The following PTPRN2 variants were observed in gnomAD, a reference collection of about 807,000 sequenced individuals.
The protein encoded by PTPRN2 is receptor-type tyrosine-protein phosphatase N2.
In PTPRN2, 74 loss-of-function variants were observed where a neutral mutation model predicts 118.8. The observed-to-expected ratio is 0.62, with a 90% confidence interval of 0.52 to 0.76. The LOEUF is 0.76. Among genes scored for constraint, PTPRN2 ranks in the 30% least tolerant of loss-of-function variants. PTPRN2 has a pLI of 0.00. For missense variants in PTPRN2, 1,481 were observed against 1,394.4 expected (o/e 1.06, Z -0.99); for synonymous variants, 641 against 608.0 (o/e 1.05, Z -0.80).
chr7:157,814,500 G>C (rs897299221), intron 12 of PTPRN2, among the ~76,000 whole-genome samples: 1 of 139,688 alleles, frequency 7.2e-6, no homozygotes, highest in Non-Finnish European at 1.5e-5. Flanking sequence ...GGAGAGACAC[G>C]GGGCAGGACG....
At chr7:158,023,080 T>C (rs545188773) in intron 11 of PTPRN2, among the ~76,000 whole-genome samples, 42 of 152,344 alleles carry the variant, frequency 2.8e-4, no homozygotes, top group African/African-American at 9.6e-4. Flanking sequence ...GTGGCTGTTT[T>C]CTTGTGACTC....
At chr7:158,067,409 G>A (rs1810855200) in intron 11 of PTPRN2, among the ~76,000 whole-genome samples, 1 of 152,186 alleles carries the variant, frequency 6.6e-6, no homozygotes, top group South Asian at 2.1e-4. Flanking sequence ...GCTGTGAGTG[G>A]TACTCGGCTC....
chr7:157,771,879 AAC>A (rs762840559), intron 12 of PTPRN2, among the ~76,000 whole-genome samples: 23 of 150,432 alleles, frequency 1.5e-4, no homozygotes, highest in Admixed American at 1.5e-3. Flanking sequence ...GGCACACATG[AAC>A]ACACACAGAC....
chr7:158,553,129 A>G (rs756986713), intron 1 of PTPRN2, among the ~76,000 whole-genome samples: 2 of 151,944 alleles, frequency 1.3e-5, no homozygotes, highest in Non-Finnish European at 2.9e-5. Flanking sequence ...TTCCCCATGT[A>G]CACACACAGG....
chr7:157,972,724 G>T (rs1802429234), intron 11 of PTPRN2, among the ~76,000 whole-genome samples: 2 of 149,706 alleles, frequency 1.3e-5, no homozygotes, highest in African/African-American at 4.9e-5. Flanking sequence ...CACGAGAGCA[G>T]GGCTTCAGAG....
intron 11 of PTPRN2, among the ~76,000 whole-genome samples, chr7:158,020,440 G>A (rs1806786868): frequency 6.6e-6 from 1 of 152,218 alleles, no homozygotes; most frequent in Non-Finnish European, 1.5e-5. Context: ...CTGGGTTGCG[G>A]GGAACGTGAG....
intron 3 of PTPRN2, among the ~76,000 whole-genome samples, chr7:158,307,243 T>C (rs1801372165): frequency 6.6e-6 from 1 of 152,148 alleles, no homozygotes; most frequent in African/African-American, 2.4e-5. Flanking sequence ...AGGAAAATAG[T>C]GTCTCATCAA....
At chr7:158,173,198 A>G (rs903545329) in intron 5 of PTPRN2, among the ~76,000 whole-genome samples, 1 of 152,022 alleles carries the variant, frequency 6.6e-6, no homozygotes, top group Non-Finnish European at 1.5e-5. Context: ...GCATCATCCC[A>G]CCATCAATAG....
intron 6 of PTPRN2, among the ~76,000 whole-genome samples, chr7:158,154,548 A>G (rs1821527120): frequency 6.6e-6 from 1 of 152,192 alleles, no homozygotes; most frequent in Admixed American, 6.5e-5. Context: ...GGGAGAGCAG[A>G]AATACAACTG....
In PTPRN2 at chr7:157,552,462, C is replaced by T. The variant is rs1247691357; in HGVS notation, c.2903-3443G>A. Among the ~76,000 whole-genome samples, 4 of 152,046 alleles carry T rather than the reference C, an allele frequency of 2.6e-5. No individual in the cohort carries two copies. The South Asian group carries it at 8.3e-4, about 31-fold the overall frequency. ...CTCCTCACACACCCCAACTGCTGAC[C>T]TCAGCGAGATGCTGACCTGGACCAC... is the stretch of plus-strand genomic sequence containing the variant. On this transcript the variant is annotated intron_variant, in intron 21 of 22. Coordinates refer to ENST00000389418, the MANE Select transcript of PTPRN2 (RefSeq NM_002847.5).
chr7:158,523,404 G>T (rs1465709011), intron 1 of PTPRN2, among the ~76,000 whole-genome samples: 5 of 124,210 alleles, frequency 4.0e-5, no homozygotes, highest in African/African-American at 8.6e-5. Flanking sequence ...GGAGTCATCT[G>T]CCCTGGAGCG....
intron 5 of PTPRN2, among the ~76,000 whole-genome samples, chr7:158,168,633 C>A (rs1012710061): frequency 6.6e-6 from 1 of 152,200 alleles, no homozygotes; most frequent in African/African-American, 2.4e-5. Flanking sequence ...TGTGCTGCAG[C>A]AGGGAAGATG....
chr7:157,747,167 G>A (rs1801009831), intron 12 of PTPRN2, among the ~76,000 whole-genome samples: 1 of 132,604 alleles, frequency 7.5e-6, no homozygotes, highest in African/African-American at 3.0e-5. Flanking sequence ...TGAGGCCTGC[G>A]TCCCTGAGCT....
intron 5 of PTPRN2, among the ~76,000 whole-genome samples, chr7:158,171,294 CATATATAT>C (rs771143653): frequency 1.6e-5 from 1 of 62,160 alleles, no homozygotes; most frequent in Non-Finnish European, 2.8e-5. Flanking sequence ...TATATACACA[CATATATAT>C]ACACACATAT....
chr7:158,494,290 C>T (rs1254812868), intron 1 of PTPRN2, among the ~76,000 whole-genome samples: 1 of 152,244 alleles, frequency 6.6e-6, no homozygotes, highest in Non-Finnish European at 1.5e-5. Context: ...AAATCCATGG[C>T]CCCTGCCCAA....
intron 2 of PTPRN2, among the ~76,000 whole-genome samples, chr7:158,439,291 C>A (rs1586673699): frequency 6.6e-6 from 1 of 152,218 alleles, no homozygotes; most frequent in African/African-American, 2.4e-5. Flanking sequence ...ACCTCAGGCA[C>A]AAGTCTCAGG....
intron 12 of PTPRN2, among the ~76,000 whole-genome samples, chr7:157,791,006 C>A (rs973264942): frequency 1.3e-5 from 2 of 152,196 alleles, no homozygotes; most frequent in African/African-American, 4.8e-5. Context: ...ACTGATAAAG[C>A]CTTTTTGGAA....
chr7:157,569,403 G>A (rs1799652108), intron 20 of PTPRN2, among the ~76,000 whole-genome samples: 1 of 152,252 alleles, frequency 6.6e-6, no homozygotes, highest in South Asian at 2.1e-4. Context: ...GCTGGGCCCC[G>A]CTGGCTCATG....
chr7:157,812,391 G>A (rs1324783055), intron 12 of PTPRN2, among the ~76,000 whole-genome samples: 1 of 148,944 alleles, frequency 6.7e-6, no homozygotes, highest in African/African-American at 2.6e-5. Context: ...GGGGCATGAG[G>A]GAGGTGAGGG....
Sources: allele counts gnomAD v4.1 joint callset (sites outside exome capture counted in the v4.1 genomes callset), GRCh38; gene constraint gnomAD v4.1.1; transcripts MANE v1.5; gene names NCBI Gene and HGNC (gene_info 2026-07-23, HGNC 2026-07-21).